Variants in ACBD6 observed in about 807,000 individuals in gnomAD.
ACBD6 encodes acyl-CoA-binding domain-containing protein 6.
Under a neutral mutation model 37.2 loss-of-function variants are expected in ACBD6, and 28 were observed. The ratio of observed to expected loss-of-function variants is 0.75; its 90% confidence interval spans 0.56 to 1.03. ACBD6 has a LOEUF of 1.03. Ranked by LOEUF, ACBD6 falls within the 50% of genes least tolerant of loss-of-function variation. ACBD6 has a pLI of 0.00. For missense variants in ACBD6, 340 were observed against 337.4 expected, an observed-to-expected ratio of 1.01 and a Z score of -0.06; for synonymous variants, 113 against 126.8, an observed-to-expected ratio of 0.89 and a Z score of 0.73.
At chr1:180,319,288 A>G (rs1472538990) in intron 6 of ACBD6, among the ~76,000 whole-genome samples, 3 of 152,210 alleles carry the variant, frequency 2.0e-5, no homozygotes, top group South Asian at 2.1e-4. Context: ...TGCTCAATAA[A>G]TGTTCATGAA....
chr1:180,419,544 C>T (rs552052690), intron 4 of ACBD6, among the ~76,000 whole-genome samples: 68 of 152,216 alleles, frequency 4.5e-4, no homozygotes, highest in African/African-American at 1.5e-3. Context: ...TTAAACAACA[C>T]GGAGGGTGGG....
intron 6 of ACBD6, among the ~76,000 whole-genome samples, chr1:180,381,574 CTG>C (rs1365782995): frequency 6.6e-6 from 1 of 152,070 alleles, no homozygotes; most frequent in Non-Finnish European, 1.5e-5. Context: ...ACTTTGGAAA[CTG>C]TATAAATACA....
intron 3 of ACBD6, among the ~76,000 whole-genome samples, chr1:180,432,389 T>C (rs183523171): frequency 1.3e-5 from 2 of 152,172 alleles, no homozygotes; most frequent in Non-Finnish European, 2.9e-5. Flanking sequence ...ATTCAAAGAA[T>C]TCTTAAAACT....
intron 6 of ACBD6, among the ~76,000 whole-genome samples, chr1:180,335,997 C>A (rs1322682921): frequency 6.6e-6 from 1 of 151,626 alleles, no homozygotes; most frequent in Non-Finnish European, 1.5e-5. Context: ...TACAGGAGCA[C>A]CCAGATTCAT....
chr1:180,438,814 C>T (rs974393996), intron 3 of ACBD6, among the ~76,000 whole-genome samples: 2 of 152,152 alleles, frequency 1.3e-5, no homozygotes, highest in African/African-American at 4.8e-5. Context: ...ATTGAACATT[C>T]TATGGGTTTG....
At chr1:180,322,643 A>G (rs979776746) in intron 6 of ACBD6, among the ~76,000 whole-genome samples, 1 of 151,606 alleles carries the variant, frequency 6.6e-6, no homozygotes, top group African/African-American at 2.4e-5. Context: ...ATTGACATAT[A>G]GTTAGTTGCT....
Position 180,343,944 on chromosome 1 carries a change from G to C in ACBD6, c.664-29222C>G, listed in dbSNP as rs983253311. Among the ~76,000 whole-genome samples the C allele has an allele frequency of 7.9e-3, 36 of 4,546 alleles. No individual in the cohort carries two copies. The South Asian group carries it at 0.25, about 32-fold the overall frequency. The allele number at this position is 4,546 out of a possible 152,430, so 3.0% of individuals were successfully genotyped here. On this transcript the variant is annotated intron_variant, in intron 6 of 7. Coordinates refer to ENST00000367595, the MANE Select transcript of ACBD6 (RefSeq NM_032360.4). The stretch of plus-strand genomic sequence containing the variant: ...CTTGCAAGAAAAGTAAATATAGTTG[G>C]CTTTCTTGATTTTTGGCATTTTCAA...
intron 5 of ACBD6, among the ~76,000 whole-genome samples, chr1:180,406,739 A>G (rs1320444572): frequency 6.6e-6 from 1 of 152,182 alleles, no homozygotes; most frequent in Non-Finnish European, 1.5e-5. Flanking sequence ...TTAGTCATAA[A>G]ATTAGGTTGA....
rs1268608615 is a variant in ACBD6, at chr1:180,502,559, A to ACC, written c.-294_-293insGG. 2 of 448,838 alleles carry ACC rather than the reference A, an allele frequency of 4.5e-6. No homozygotes were observed. The highest frequency in any genetic ancestry group is 8.3e-6 in the Non-Finnish European group (2 of 241,034). 27.8% of individuals were successfully genotyped at this position (448,838 alleles called of 1,614,324 possible). On this transcript the variant is annotated 5_prime_UTR_variant, in exon 1 of 8. Coordinates refer to ENST00000367595, the MANE Select transcript of ACBD6 (RefSeq NM_032360.4). Reference sequence around the variant, plus strand: ...GCTCGCCTCAGGCCCCTCCAACGGAACAGGAGTCGAGGGGCAGTGAGGCCG... The same window carrying ACC: ...GCTCGCCTCAGGCCCCTCCAACGGAACCCAGGAGTCGAGGGGCAGTGAGGCCG...
At chr1:180,287,763 A>G (rs552854072), downstream of ACBD6, among the ~76,000 whole-genome samples, 12 of 152,240 alleles carry the variant, frequency 7.9e-5, no homozygotes, top group African/African-American at 1.2e-4. Context: ...ACAGAGTACT[A>G]TTCTAAAATG....
chr1:180,363,153 A>G (rs1024260321), intron 6 of ACBD6, among the ~76,000 whole-genome samples: 6 of 152,220 alleles, frequency 3.9e-5, no homozygotes, highest in African/African-American at 1.4e-4. Flanking sequence ...CACTGTTGTG[A>G]GATAGCAGTA....
intron 3 of ACBD6, among the ~76,000 whole-genome samples, chr1:180,434,219 C>A (rs938172304): frequency 6.6e-6 from 1 of 152,078 alleles, no homozygotes; most frequent in Non-Finnish European, 1.5e-5. Context: ...AGAGATCTCA[C>A]AACTGACAAA....
intron 3 of ACBD6, among the ~76,000 whole-genome samples, chr1:180,453,284 T>C (rs1649787239): frequency 6.6e-6 from 1 of 152,206 alleles, no homozygotes; most frequent in Non-Finnish European, 1.5e-5. Flanking sequence ...ATAAATATAA[T>C]CCATCACATA....
At chr1:180,491,391 G>T (rs1229417512) in intron 3 of ACBD6, among the ~76,000 whole-genome samples, 1 of 152,110 alleles carries the variant, frequency 6.6e-6, no homozygotes, top group Non-Finnish European at 1.5e-5. Flanking sequence ...CTTTCTAGAT[G>T]TTCTCCAATA....
intron 8 of ACBD6, among the ~76,000 whole-genome samples, chr1:180,282,724 G>C (rs1460618546): frequency 6.6e-6 from 1 of 152,052 alleles, no homozygotes; most frequent in Admixed American, 6.6e-5. Context: ...CTACATTACT[G>C]GTGGGCCAGA....
At chr1:180,437,903 C>T (rs1018447351) in intron 3 of ACBD6, among the ~76,000 whole-genome samples, 2 of 152,118 alleles carry the variant, frequency 1.3e-5, no homozygotes, top group African/African-American at 4.8e-5. Flanking sequence ...AGGAAAAAGC[C>T]AGTGCAAAGG....
chr1:180,411,807 A>G (rs1490105429), intron 5 of ACBD6, among the ~76,000 whole-genome samples: 1 of 152,054 alleles, frequency 6.6e-6, no homozygotes, highest in Non-Finnish European at 1.5e-5. Context: ...AGCTGGGATT[A>G]CAGGCACCCA....
At chr1:180,323,570 T>C (rs1183870486) in intron 6 of ACBD6, among the ~76,000 whole-genome samples, 1 of 152,110 alleles carries the variant, frequency 6.6e-6, no homozygotes, top group Non-Finnish European at 1.5e-5. Flanking sequence ...CCTTTATGTA[T>C]CTGGGTGCTT....
chr1:180,376,699 T>C (rs775081083), intron 6 of ACBD6, among the ~76,000 whole-genome samples: 17 of 152,198 alleles, frequency 1.1e-4, no homozygotes, highest in African/African-American at 3.4e-4. Flanking sequence ...TGGTTACCTG[T>C]AGGGAGTGGG....
Sources: allele counts gnomAD v4.1 joint callset (sites outside exome capture counted in the v4.1 genomes callset), GRCh38; gene constraint gnomAD v4.1.1; transcripts MANE v1.5; gene names NCBI Gene and HGNC (gene_info 2026-07-23, HGNC 2026-07-21).